EXT1: variants seen among roughly 807,000 people sequenced by gnomAD.
EXT1 encodes exostosin-1.
A neutral mutation model predicts 82.5 loss-of-function variants in EXT1; 20 were observed. The observed-to-expected ratio is 0.24, with a 90% CI of 0.17 to 0.35. The LOEUF is 0.35. Ranked by LOEUF, EXT1 falls within the 10% of genes least tolerant of loss-of-function variation. The pLI is 1.00. For missense variants in EXT1, 757 were observed against 936.5 expected (o/e 0.81, Z 2.50); for synonymous variants, 348 against 350.8 (o/e 0.99, Z 0.09).
chr8:118,110,902 G>A lies in EXT1; in HGVS notation c.145C>T (p.Pro49Ser), dbSNP rs2130045315. 6.2e-7 allele frequency: 1 copy of A among 1,614,068 alleles called. No homozygotes were observed. The highest frequency in any genetic ancestry group is 1.7e-4 in the Middle Eastern group (1 of 6,040). The change falls in exon 1 of 11, where the codon CCC becomes TCC. Residue 49 changes from proline to serine, a missense_variant. By Grantham distance (74) the Pro-to-Ser change is moderately conservative (BLOSUM62 -1). Coordinates refer to ENST00000378204, the MANE Select transcript of EXT1 (RefSeq NM_000127.3). ...CGGGGCCAGAAATGATCCGGACTGGGGTGGTGCAAGCCATTCCTACCGCTG... is the reference window on the plus strand; with the variant it reads ...CGGGGCCAGAAATGATCCGGACTGGAGTGGTGCAAGCCATTCCTACCGCTG... ...EHSGRNGLHH[P>S]SPDHFWPRFP...
At chr8:117,882,375 G>A (rs1430108353) in intron 1 of EXT1, among the ~76,000 whole-genome samples, 22 of 152,160 alleles carry the variant, frequency 1.4e-4, no homozygotes, top group Admixed American at 1.2e-3. Flanking sequence ...GAGCCATCAC[G>A]TCCAGCTCGT....
At chr8:118,044,741 A>G (rs913064705) in intron 1 of EXT1, among the ~76,000 whole-genome samples, 1 of 151,946 alleles carries the variant, frequency 6.6e-6, no homozygotes, top group African/African-American at 2.4e-5. Flanking sequence ...GTCTTACTCT[A>G]TTACCCAGGC....
intron 1 of EXT1, among the ~76,000 whole-genome samples, chr8:118,074,461 A>T (rs1456737142): frequency 6.6e-6 from 1 of 152,130 alleles, no homozygotes; most frequent in Non-Finnish European, 1.5e-5. Context: ...GCTGTGGTGC[A>T]GGCAGAGGGC....
intron 1 of EXT1, among the ~76,000 whole-genome samples, chr8:117,979,446 G>A (rs1815139380): frequency 1.3e-5 from 2 of 151,894 alleles, no homozygotes; most frequent in Non-Finnish European, 1.5e-5. Context: ...GATTACAGGA[G>A]CATATTTTAA....
chr8:117,837,951 A>G (rs1812215034), intron 1 of EXT1, among the ~76,000 whole-genome samples: 1 of 152,194 alleles, frequency 6.6e-6, no homozygotes, highest in Non-Finnish European at 1.5e-5. Flanking sequence ...ATGATATTAC[A>G]TTGCTTTTGC....
intron 1 of EXT1, among the ~76,000 whole-genome samples, chr8:117,933,171 A>G (rs561832808): frequency 6.6e-6 from 1 of 151,666 alleles, no homozygotes; most frequent in South Asian, 2.1e-4. Flanking sequence ...GTCAGTTTCT[A>G]GCATTCATGG....
At chr8:118,104,739 C>T (rs1817778889) in intron 1 of EXT1, among the ~76,000 whole-genome samples, 1 of 152,156 alleles carries the variant, frequency 6.6e-6, no homozygotes, top group Admixed American at 6.5e-5. Context: ...ATGCTCATGT[C>T]AGTGGTCAAA....
At position 117,892,482 on chromosome 8, in the gene EXT1, G is replaced by A. The variant is rs796334098; in HGVS notation, c.963-55281C>T. 1.8e-4 allele frequency among the ~76,000 whole-genome samples: 28 copies of A among 152,324 alleles called. 1 individual carries two copies. Among genetic ancestry groups the A allele is most frequent in the Middle Eastern group, 3.4e-3 (1 of 294 alleles). ...CAACTGGGAGACTGCTGAGGAAGAA[G>A]AGGGTTGGGAGGTCGCATCAAACTA... On this transcript the variant is annotated intron_variant, in intron 1 of 10. Transcript: ENST00000378204.
chr8:117,814,898 C>A (rs1351898752), intron 7 of EXT1, among the ~76,000 whole-genome samples: 1 of 152,180 alleles, frequency 6.6e-6, no homozygotes, highest in African/African-American at 2.4e-5. Context: ...GCCGGCGAAG[C>A]TACCAGAGCA....
At chr8:117,885,834 G>C (rs544280532) in intron 1 of EXT1, among the ~76,000 whole-genome samples, 1 of 152,178 alleles carries the variant, frequency 6.6e-6, no homozygotes, top group South Asian at 2.1e-4. Flanking sequence ...TGTACACCTG[G>C]GGGCTTCCCA....
intron 1 of EXT1, among the ~76,000 whole-genome samples, chr8:118,031,335 G>C (rs1377117768): frequency 6.6e-6 from 1 of 152,024 alleles, no homozygotes; most frequent in Non-Finnish European, 1.5e-5. Flanking sequence ...GACCAGCCTG[G>C]CCAACACAGC....
At chr8:118,039,759 T>C (rs1816494541) in intron 1 of EXT1, among the ~76,000 whole-genome samples, 1 of 152,010 alleles carries the variant, frequency 6.6e-6, no homozygotes, top group Admixed American at 6.6e-5. Flanking sequence ...TGAAAGGGTT[T>C]AAAAAATCCC....
Position 117,930,579 on chromosome 8 carries a change from A to G in EXT1, c.963-93378T>C, listed in dbSNP as rs1814040439. Among the ~76,000 whole-genome samples, 4 of 152,184 alleles carry G rather than the reference A, an allele frequency of 2.6e-5. No individual in the cohort carries two copies. The South Asian group carries it at 8.3e-4, about 32-fold the overall frequency. On this transcript the variant is annotated intron_variant, in intron 1 of 10. Coordinates refer to ENST00000378204, the MANE Select transcript of EXT1 (RefSeq NM_000127.3). Reference sequence around the variant, plus strand: ...GAGAGGAGAAGAGAGTGTGATGGTGAAGTGTCCATCAAGTTTTAAATACAT... The same window carrying G: ...GAGAGGAGAAGAGAGTGTGATGGTGGAGTGTCCATCAAGTTTTAAATACAT...
chr8:117,817,165 C>T (rs1287998316), intron 7 of EXT1, among the ~76,000 whole-genome samples: 8 of 152,182 alleles, frequency 5.3e-5, no homozygotes, highest in Non-Finnish European at 7.3e-5. Context: ...CTATATTTGT[C>T]ACATTCCCCA....
Position 118,061,713 on chromosome 8 carries a change from A to G in EXT1, c.962+48372T>C, listed in dbSNP as rs184188398. Among the ~76,000 whole-genome samples, 5 of 152,342 alleles carry G rather than the reference A, an allele frequency of 3.3e-5. No homozygotes were observed. In the East Asian group the frequency reaches 9.6e-4, roughly 29 times the overall value. On this transcript the variant is annotated intron_variant, in intron 1 of 10. Coordinates refer to ENST00000378204, the MANE Select transcript of EXT1 (RefSeq NM_000127.3). ...AAGTCATCTGAAAGGGGGCATGCTA[A>G]GCAAAATATGAATATGTTTAGTTGG...
intron 1 of EXT1, among the ~76,000 whole-genome samples, chr8:117,936,550 A>G (rs975039654): frequency 3.3e-5 from 5 of 152,206 alleles, no homozygotes; most frequent in Non-Finnish European, 4.4e-5. Flanking sequence ...TATCTTCTCT[A>G]TTTTTAGGAA....
rs2129772013 is a variant in EXT1, at chr8:117,830,251, C to T, written c.1263G>A (p.Lys421=). The T allele has an allele frequency of 1.4e-5, 23 of 1,614,024 alleles. No individual in the cohort carries two copies. Among genetic ancestry groups the T allele is most frequent in the Non-Finnish European group, 1.8e-5 (21 of 1,179,994 alleles). ...LWEAYFSSVE[K]IVLTTLEIIQ... is the part of the protein sequence containing the mutation. ...TTACCTCTAGTGTAGTTAATACAAT[C>T]TTCTCAACTGAAGAAAAATAAGCCT... The change falls in exon 4 of 11, where the codon AAG becomes AAA. Residue 421 remains lysine, a synonymous_variant. Coordinates refer to ENST00000378204, the MANE Select transcript of EXT1 (RefSeq NM_000127.3).
intron 3 of EXT1, among the ~76,000 whole-genome samples, chr8:117,834,978 A>G (rs979564155): frequency 5.9e-5 from 9 of 152,196 alleles, no homozygotes; most frequent in Admixed American, 4.6e-4. Flanking sequence ...ATAAATCCTA[A>G]AGATAACACT....
At chr8:118,079,470 C>T (rs900006936) in intron 1 of EXT1, among the ~76,000 whole-genome samples, 3 of 152,086 alleles carry the variant, frequency 2.0e-5, no homozygotes, top group African/African-American at 4.8e-5. Context: ...GAACAGGAAA[C>T]TCATTTCTAA....
Sources: allele counts gnomAD v4.1 joint callset (sites outside exome capture counted in the v4.1 genomes callset), GRCh38; gene constraint gnomAD v4.1.1; transcripts MANE v1.5; gene names NCBI Gene and HGNC (gene_info 2026-07-23, HGNC 2026-07-21).